Variants in GALNT7 observed in about 807,000 individuals in gnomAD.
GALNT7 encodes N-acetylgalactosaminyltransferase 7.
A neutral mutation model predicts 82.1 loss-of-function variants in GALNT7; 60 were observed. That is an observed-to-expected ratio of 0.73 (90% confidence interval 0.59 to 0.91). GALNT7 has a LOEUF of 0.91. Ranked by LOEUF, GALNT7 falls within the 40% of genes least tolerant of loss-of-function variation. GALNT7 has a pLI of 0.00. For synonymous variants in GALNT7, 243 were observed against 275.1 expected, an observed-to-expected ratio of 0.88 and a Z score of 1.15; for missense variants, 660 against 804.2, an observed-to-expected ratio of 0.82 and a Z score of 2.17.
chr4:173,293,334 C>T (rs992390984), intron 3 of GALNT7, among the ~76,000 whole-genome samples: 11 of 151,416 alleles, frequency 7.3e-5, no homozygotes, highest in African/African-American at 2.7e-4. Flanking sequence ...GACAATCATG[C>T]AGGTCCCTTG....
rs540815212 is a variant in GALNT7 at position 173,224,984 on chromosome 4, T to C, written c.127-22996T>C. Among the ~76,000 whole-genome samples the C allele has an allele frequency of 2.0e-3, 299 of 150,964 alleles. 2 individuals are homozygous for C. Among genetic ancestry groups the C allele is most frequent in the East Asian group, 4.1e-3 (21 of 5,140 alleles). On this transcript the variant is annotated intron_variant, in intron 1 of 11. Coordinates refer to ENST00000265000, the MANE Select transcript of GALNT7 (RefSeq NM_017423.3). ...GAGCCGAAATTGTGCCACTGCACTC[T>C]AGCCTGGACGACAGAGCGAGACTCT... is the stretch of plus-strand genomic sequence containing the variant.
At chr4:173,271,233 G>T (rs1177877949) in intron 2 of GALNT7, among the ~76,000 whole-genome samples, 2 of 152,134 alleles carry the variant, frequency 1.3e-5, no homozygotes, top group African/African-American at 4.8e-5. Context: ...AAGGTATCAG[G>T]CTAGATTTTT....
intron 1 of GALNT7, among the ~76,000 whole-genome samples, chr4:173,195,573 C>G (rs1335506005): frequency 6.6e-6 from 1 of 152,112 alleles, no homozygotes; most frequent in Non-Finnish European, 1.5e-5. Context: ...GAGTATAACC[C>G]CAAAACATAT....
In GALNT7 at chr4:173,302,413, A is replaced by G. The variant is rs1339587662; in HGVS notation, c.1266+249A>G. Among the ~76,000 whole-genome samples the G allele has an allele frequency of 6.6e-6, 1 of 152,202 alleles. No homozygotes were observed. The highest frequency in any genetic ancestry group is 6.5e-5 in the Admixed American group (1 of 15,276). On this transcript the variant is annotated intron_variant, in intron 7 of 11. Coordinates refer to ENST00000265000, the MANE Select transcript of GALNT7 (RefSeq NM_017423.3). The surrounding 1 kb of genome is among the most constrained non-coding windows in gnomAD (Gnocchi z 4.2). ...TGGCTAGCAAGCTTTAGAAATGAAA[A>G]TATCTACCCCCACACCCCAACTTTC...
At chr4:173,188,154 T>G (rs1732514198) in intron 1 of GALNT7, among the ~76,000 whole-genome samples, 1 of 152,248 alleles carries the variant, frequency 6.6e-6, no homozygotes, top group Non-Finnish European at 1.5e-5. Context: ...TATACTGAAC[T>G]CTTAGGTATG....
At chr4:173,210,461 CT>C (rs1554021611) in intron 1 of GALNT7, among the ~76,000 whole-genome samples, 2 of 151,106 alleles carry the variant, frequency 1.3e-5, no homozygotes, top group South Asian at 2.1e-4. Context: ...TTTTATTTTC[CT>C]TTTTTTTTGG....
chr4:173,201,478 C>G (rs1044609940), intron 1 of GALNT7, among the ~76,000 whole-genome samples: 13 of 152,254 alleles, frequency 8.5e-5, no homozygotes, highest in African/African-American at 2.9e-4. Context: ...AATGTAAGTG[C>G]TTTGAAAGGG....
At chr4:173,201,322 TTAAC>T (rs1732940755) in intron 1 of GALNT7, among the ~76,000 whole-genome samples, 1 of 152,198 alleles carries the variant, frequency 6.6e-6, no homozygotes, top group African/African-American at 2.4e-5. Context: ...ATTTAATAAA[TTAAC>T]TAATTATAAA....
At chr4:173,226,868 T>C (rs1368658296) in intron 1 of GALNT7, among the ~76,000 whole-genome samples, 2 of 152,230 alleles carry the variant, frequency 1.3e-5, no homozygotes, top group Non-Finnish European at 1.5e-5. Flanking sequence ...GTATTTCTGG[T>C]CTTCATTTTT....
At chr4:173,181,032 C>G (rs2126627850) in intron 1 of GALNT7, among the ~76,000 whole-genome samples, 1 of 152,198 alleles carries the variant, frequency 6.6e-6, no homozygotes, top group East Asian at 1.9e-4. Context: ...TTTAAAAATC[C>G]ATTAGATTTT....
chr4:173,248,137 A>T lies in GALNT7; in HGVS notation c.284A>T (p.Gln95Leu). The T allele has an allele frequency of 1.9e-6, 3 of 1,613,938 alleles. No individual in the cohort carries two copies. Among genetic ancestry groups the T allele is most frequent in the Non-Finnish European group, 1.7e-6 (2 of 1,179,880 alleles). Residue 95 changes from glutamine to leucine, a missense_variant, in exon 2 of 12, where the codon CAA (glutamine) becomes CTA (leucine). Gln to Leu is a moderately radical substitution (Grantham distance 113). This residue lies in a region of GALNT7 where 133 missense variants were observed against 120.7 expected (regional missense o/e 1.10). Transcript: ENST00000265000. ...AGAATAAACAAGGCCAAAAATGAAC[A>T]AGAGCACCATGCTGGAGGAGATTCC... The part of the protein sequence containing the change: ...IRRINKAKNE[Q>L]EHHAGGDSQK...
intron 1 of GALNT7, among the ~76,000 whole-genome samples, chr4:173,243,469 C>T (rs1229131024): frequency 6.6e-6 from 1 of 152,176 alleles, no homozygotes. Flanking sequence ...AGTGGATCAG[C>T]TGGTGTTTAC....
intron 1 of GALNT7, among the ~76,000 whole-genome samples, chr4:173,234,156 T>C (rs766124718): frequency 6.6e-6 from 1 of 152,210 alleles, no homozygotes; most frequent in Non-Finnish European, 1.5e-5. Context: ...TTGGTTTTCT[T>C]TCCACATATT....
chr4:173,190,802 A>G (rs1418473485), intron 1 of GALNT7, among the ~76,000 whole-genome samples: 1 of 152,272 alleles, frequency 6.6e-6, no homozygotes, highest in East Asian at 1.9e-4. Flanking sequence ...TAATAGAGTC[A>G]ATGTCTCTTG....
chr4:173,248,975 A>G (rs920550219), intron 2 of GALNT7, among the ~76,000 whole-genome samples: 1 of 152,156 alleles, frequency 6.6e-6, no homozygotes, highest in African/African-American at 2.4e-5. Flanking sequence ...GAAACACTTT[A>G]CTATATGCAA....
intron 8 of GALNT7, among the ~76,000 whole-genome samples, chr4:173,308,876 C>T (rs917803628): frequency 6.6e-6 from 1 of 152,190 alleles, no homozygotes; most frequent in East Asian, 1.9e-4. Flanking sequence ...GCACTCCAGC[C>T]TGGGCAACAG....
chr4:173,246,839 C>G (rs1436868686), intron 1 of GALNT7, among the ~76,000 whole-genome samples: 1 of 152,132 alleles, frequency 6.6e-6, no homozygotes, highest in African/African-American at 2.4e-5. Flanking sequence ...TATGACTACT[C>G]TGTTGGGGAA....
intron 1 of GALNT7, among the ~76,000 whole-genome samples, chr4:173,236,400 A>G (rs926626933): frequency 6.6e-6 from 1 of 152,018 alleles, no homozygotes; most frequent in African/African-American, 2.4e-5. Context: ...CTTCTGTAGT[A>G]TTTTATTTTT....
intron 11 of GALNT7, among the ~76,000 whole-genome samples, chr4:173,319,902 A>T (rs1366315476): frequency 6.6e-6 from 1 of 152,160 alleles, no homozygotes; most frequent in African/African-American, 2.4e-5. Context: ...AGGAAGTGTC[A>T]TTGCACAAGT....
Sources: allele counts gnomAD v4.1 joint callset (sites outside exome capture counted in the v4.1 genomes callset), GRCh38; gene constraint gnomAD v4.1.1; regional missense constraint gnomAD v4.1.1; non-coding constraint Gnocchi (gnomAD v3.1); transcripts MANE v1.5; gene names NCBI Gene and HGNC (gene_info 2026-07-23, HGNC 2026-07-21).